CSMD1: variants seen among roughly 807,000 people sequenced by gnomAD.
CSMD1 encodes CUB and Sushi multiple domains 1, also known as CUB and sushi domain-containing protein 1.
CSMD1 carries 213 observed loss-of-function variants against 417.5 expected under a neutral mutation model. The observed-to-expected ratio is 0.51, with a 90% confidence interval of 0.46 to 0.57. The LOEUF (loss-of-function observed/expected upper bound fraction) is 0.57, where lower values mean the gene tolerates loss of function less well. Ranked by LOEUF, CSMD1 falls within the 20% of genes least tolerant of loss-of-function variation. CSMD1 has a pLI of 0.00. For synonymous variants in CSMD1, 2,862 were observed against 1,736.8 expected, an observed-to-expected ratio of 1.65 and a Z score of -16.11; for missense variants, 6,923 against 4,529.7, an observed-to-expected ratio of 1.53 and a Z score of -15.17.
chr8:3,340,853 G>T (rs1464341521), intron 23 of CSMD1, among the ~76,000 whole-genome samples: 1 of 151,852 alleles, frequency 6.6e-6, no homozygotes, highest in African/African-American at 2.4e-5. Context: ...AGGAGTCTCC[G>T]GGTTTTGCAG....
intron 1 of CSMD1, among the ~76,000 whole-genome samples, chr8:4,827,154 G>T (rs996586095): frequency 6.6e-6 from 1 of 151,978 alleles, no homozygotes; most frequent in African/African-American, 2.4e-5. Context: ...AAAGAAAACA[G>T]GTATACTAGC....
chr8:4,767,505 G>A (rs1271771654), intron 1 of CSMD1, among the ~76,000 whole-genome samples: 5 of 152,078 alleles, frequency 3.3e-5, no homozygotes, highest in Non-Finnish European at 5.9e-5. Flanking sequence ...ACCTGCCTGA[G>A]ACCAACTTAC....
intron 8 of CSMD1, among the ~76,000 whole-genome samples, chr8:3,611,197 C>T (rs780728190): frequency 1.3e-5 from 2 of 151,316 alleles, no homozygotes; most frequent in Non-Finnish European, 2.9e-5. Flanking sequence ...CTAACCTGCA[C>T]ATTGTGCACA....
At chr8:4,707,299 G>C (rs1584974127) in intron 1 of CSMD1, among the ~76,000 whole-genome samples, 1 of 152,280 alleles carries the variant, frequency 6.6e-6, no homozygotes, top group Non-Finnish European at 1.5e-5. Flanking sequence ...GGAAATTGAA[G>C]CTTGGAGAAG....
rs961218344 is a variant in CSMD1, at chr8:4,856,289, C to T, written c.85+138043G>A. On this transcript the variant is annotated intron_variant, in intron 1 of 69. Coordinates refer to ENST00000635120, the MANE Select transcript of CSMD1 (RefSeq NM_033225.6). Reference sequence around the variant, plus strand: ...AGCACTAAACATGGAAATGAACAAACGGTACCAGCTGCTGCAAAATCATGC... The same window carrying T: ...AGCACTAAACATGGAAATGAACAAATGGTACCAGCTGCTGCAAAATCATGC... Among the ~76,000 whole-genome samples, 39 of 144,042 alleles carry T rather than the reference C, an allele frequency of 2.7e-4. 1 individual carries two copies. The highest frequency in any genetic ancestry group is 3.4e-4 in the Admixed American group (5 of 14,544). The allele number at this position is 144,042 out of a possible 152,430, so 94.5% of individuals were successfully genotyped here.
intron 8 of CSMD1, among the ~76,000 whole-genome samples, chr8:3,591,309 C>T (rs565379153): frequency 5.3e-5 from 8 of 152,148 alleles, no homozygotes; most frequent in African/African-American, 1.2e-4. Context: ...GAAATTGCTC[C>T]GTATTTGATT....
At chr8:3,178,470 C>G (rs17319073) in intron 37 of CSMD1, among the ~76,000 whole-genome samples, 1 of 151,950 alleles carries the variant, frequency 6.6e-6, no homozygotes, top group Non-Finnish European at 1.5e-5. Flanking sequence ...TATACGTCAC[C>G]TTCCTGGTAG....
At chr8:4,008,522 T>C (rs1037864318) in intron 4 of CSMD1, among the ~76,000 whole-genome samples, 5 of 151,490 alleles carry the variant, frequency 3.3e-5, no homozygotes, top group African/African-American at 9.7e-5. Context: ...CTTGAAGTTA[T>C]TGTTGAAAGT....
chr8:4,048,767 T>C (rs1048395713), intron 3 of CSMD1, among the ~76,000 whole-genome samples: 1 of 152,224 alleles, frequency 6.6e-6, no homozygotes, highest in African/African-American at 2.4e-5. Flanking sequence ...AAGCTGTGTA[T>C]ATCTGTGTTA....
intron 12 of CSMD1, among the ~76,000 whole-genome samples, chr8:3,452,891 G>T (rs965291754): frequency 2.6e-5 from 4 of 152,190 alleles, no homozygotes; most frequent in Non-Finnish European, 5.9e-5. Flanking sequence ...CAGAAGGAAT[G>T]GTACCAGCTC....
intron 5 of CSMD1, among the ~76,000 whole-genome samples, chr8:3,822,851 C>T (rs924039621): frequency 6.6e-6 from 1 of 152,006 alleles, no homozygotes; most frequent in African/African-American, 2.4e-5. Flanking sequence ...ATGAGCTATG[C>T]ATGTGGTATT....
intron 3 of CSMD1, among the ~76,000 whole-genome samples, chr8:4,260,989 C>T (rs1344371624): frequency 2.6e-5 from 4 of 152,104 alleles, no homozygotes; most frequent in Admixed American, 6.6e-5. Context: ...TTGTAAACAA[C>T]GTATCATTCA....
chr8:3,464,980 T>C (rs551681131), intron 12 of CSMD1, among the ~76,000 whole-genome samples: 1 of 152,290 alleles, frequency 6.6e-6, no homozygotes, highest in Admixed American at 6.5e-5. Flanking sequence ...CTCTCTCTCG[T>C]TCTGTGTATA....
chr8:4,548,620 C>CT (rs1417167952), intron 2 of CSMD1, among the ~76,000 whole-genome samples: 8 of 152,188 alleles, frequency 5.3e-5, no homozygotes, highest in East Asian at 1.9e-4. Flanking sequence ...ATGCAAATGG[C>CT]TTTTTTTCCC....
chr8:4,037,069 G>A (rs896121072), intron 3 of CSMD1, among the ~76,000 whole-genome samples: 1 of 151,764 alleles, frequency 6.6e-6, no homozygotes, highest in African/African-American at 2.4e-5. Context: ...AGACAGCTCT[G>A]GCCACCCACA....
chr8:4,831,170 C>G (rs1800128851), intron 1 of CSMD1, among the ~76,000 whole-genome samples: 1 of 152,126 alleles, frequency 6.6e-6, no homozygotes, highest in South Asian at 2.1e-4. Context: ...GACAAAGAAT[C>G]TAGAATCTGA....
At chr8:3,582,922 C>A (rs1253493855) in intron 9 of CSMD1, among the ~76,000 whole-genome samples, 1 of 152,150 alleles carries the variant, frequency 6.6e-6, no homozygotes. Flanking sequence ...AACTTAGGTG[C>A]TCCTGTGAAG....
chr8:4,544,108 G>A (rs772035150), intron 2 of CSMD1, among the ~76,000 whole-genome samples: 5 of 151,754 alleles, frequency 3.3e-5, no homozygotes, highest in African/African-American at 1.2e-4. Flanking sequence ...TCTTTCTTAG[G>A]GTTCTTAATT....
intron 8 of CSMD1, among the ~76,000 whole-genome samples, chr8:3,596,468 T>A (rs781553569): frequency 5.9e-5 from 9 of 152,150 alleles, no homozygotes; most frequent in Non-Finnish European, 8.8e-5. Flanking sequence ...CAGAGGGCCC[T>A]CTGCTCAGCA....
Sources: gnomAD v4.1 joint callset for allele counts (sites outside exome capture counted in the v4.1 genomes callset) on GRCh38, gnomAD v4.1.1 for gene constraint, MANE v1.5 for transcripts, NCBI Gene and HGNC (gene_info 2026-07-23, HGNC 2026-07-21) for gene names.